Variants in DAGLA observed in about 807,000 individuals in gnomAD.
The protein encoded by DAGLA is diacylglycerol lipase alpha, also known as diacylglycerol lipase-alpha.
DAGLA carries 22 observed loss-of-function variants against 102.6 expected under a neutral mutation model. That is an observed-to-expected ratio of 0.21 (90% CI 0.15 to 0.31). The LOEUF is 0.31. Among genes scored for constraint, DAGLA ranks in the 10% least tolerant of loss-of-function variants. The pLI, the probability that DAGLA is intolerant of heterozygous loss-of-function variation, is 1.00. For synonymous variants in DAGLA, 578 were observed against 628.9 expected, an observed-to-expected ratio of 0.92 and a Z score of 1.21; for missense variants, 927 against 1,446.6, an observed-to-expected ratio of 0.64 and a Z score of 5.83.
chr11:61,721,473 G>A (rs1457793196), intron 3 of DAGLA, among the ~76,000 whole-genome samples: 1 of 152,212 alleles, frequency 6.6e-6, no homozygotes, highest in Non-Finnish European at 1.5e-5. Flanking sequence ...CCCTACAGCA[G>A]CCGAGTTGAG....
At chr11:61,697,326 G>C (rs2065074655) in intron 1 of DAGLA, among the ~76,000 whole-genome samples, 1 of 152,230 alleles carries the variant, frequency 6.6e-6, no homozygotes. Context: ...AGCCGGGCCA[G>C]GGCGAGGGAA....
rs1241670658 is a variant in DAGLA, at chr11:61,686,148, A to G, written c.-45+5644A>G. ...GGCCACTCTGCAGGGGAAAGGGGAGAGACAAAGCCTGGTTGATTATGGAAG... is the reference window on the plus strand; with the variant it reads ...GGCCACTCTGCAGGGGAAAGGGGAGGGACAAAGCCTGGTTGATTATGGAAG... On this transcript the variant is annotated intron_variant, in intron 1 of 19. Transcript: ENST00000257215. The surrounding 1 kb of genome is among the most constrained non-coding windows in gnomAD (Gnocchi z 5.2). Among the ~76,000 whole-genome samples, 1 of 151,840 alleles carries G rather than the reference A, an allele frequency of 6.6e-6. No individual in the cohort carries two copies. Among genetic ancestry groups the G allele is most frequent in the Admixed American group, 6.6e-5 (1 of 15,248 alleles).
intron 1 of DAGLA, among the ~76,000 whole-genome samples, chr11:61,706,594 C>G (rs939958630): frequency 6.6e-6 from 1 of 152,186 alleles, no homozygotes; most frequent in African/African-American, 2.4e-5. Context: ...CCTCAGAGCC[C>G]ATGATTCTAG....
chr11:61,737,062 G>A (rs538870574), intron 13 of DAGLA, 120 bp from the exon 14 acceptor site: 2 of 1,401,264 alleles, frequency 1.4e-6, no homozygotes, highest in African/African-American at 1.4e-5. Flanking sequence ...CATTCACACA[G>A]CACAGACAAG....
chr11:61,720,706 C>T lies in DAGLA; in HGVS notation c.123C>T (p.Phe41=), dbSNP rs972629226. ...TWFVILSVVL[F]GLVYNPHEAC... ...TTGTGATCCTGTCCGTGGTGCTCTT[C>T]GGCCTGGTCTATAACCCGCACGAGG... Residue 41 remains phenylalanine, a synonymous_variant, in exon 3 of 20, where the codon TTC becomes TTT. Transcript: ENST00000257215. 13 of 1,613,782 alleles carry T rather than the reference C, an allele frequency of 8.1e-6. No individual in the cohort carries two copies. Among genetic ancestry groups the T allele is most frequent in the East Asian group, 6.7e-5 (3 of 44,900 alleles).
chr11:61,739,751 C>A, intron 17 of DAGLA, 90 bp downstream of exon 17: 5 of 1,348,526 alleles, frequency 3.7e-6, no homozygotes, highest in South Asian at 1.4e-5. Context: ...AATCACCGCT[C>A]GGGGCTGGGG....
In DAGLA at chr11:61,680,412, C is replaced by T. The variant is rs1291397238; in HGVS notation, c.-137C>T. The T allele has an allele frequency of 2.6e-5, 4 of 151,898 alleles. No individual in the cohort carries two copies. The highest frequency in any genetic ancestry group is 4.8e-5 in the African/African-American group (2 of 41,338). 9.4% of individuals were successfully genotyped at this position (151,898 alleles called of 1,614,324 possible). A position where few individuals can be genotyped will look rare whatever the true frequency, so the allele number is the denominator to read the frequency against. On this transcript the variant is annotated 5_prime_UTR_variant, in exon 1 of 20. Transcript: ENST00000257215. ...CGGCCTTCGCGCCGGCGCCGGCGCC[C>T]TGCGGAAGCGGCGTTAGTGAATCGG...
In DAGLA at chr11:61,740,589, C is replaced by G. The variant is rs1162297524; in HGVS notation, c.1980C>G (p.Asn660Lys). The change falls in exon 18 of 20, where the codon AAC becomes AAG. Residue 660 changes from asparagine to lysine, a missense_variant. Physicochemically the swap from Asn to Lys is moderately conservative, Grantham distance 94. Transcript: ENST00000257215. ...HLPYVVMEGL[N>K]KVLENYNKGK... ...CCTATGTGGTCATGGAGGGGCTCAACAAGGTGAGGCAGCTCCCGGCAGGGT... is the reference window on the plus strand; with the variant it reads ...CCTATGTGGTCATGGAGGGGCTCAAGAAGGTGAGGCAGCTCCCGGCAGGGT... The G allele has an allele frequency of 5.0e-6, 8 of 1,613,110 alleles. No homozygotes were observed. In the East Asian group the frequency reaches 1.8e-4, roughly 36 times the overall value.
At chr11:61,728,660 C>T (rs554299460) in intron 7 of DAGLA, among the ~76,000 whole-genome samples, 1 of 152,328 alleles carries the variant, frequency 6.6e-6, no homozygotes, top group East Asian at 1.9e-4. Context: ...TAGGGTTTCT[C>T]AGTGTCTCAT....
intron 1 of DAGLA, among the ~76,000 whole-genome samples, chr11:61,693,337 T>G (rs1172880479): frequency 6.6e-6 from 1 of 151,490 alleles, no homozygotes; most frequent in Non-Finnish European, 1.5e-5. Context: ...AAAAGATAAG[T>G]CTTTTTCTTT....
intron 1 of DAGLA, among the ~76,000 whole-genome samples, chr11:61,719,460 T>G (rs2135579941): frequency 6.6e-6 from 1 of 152,342 alleles, no homozygotes; most frequent in Non-Finnish European, 1.5e-5. Flanking sequence ...TTCTGTCTGA[T>G]GGGTTCAAAA....
chr11:61,738,497 C>T (rs977844489), intron 16 of DAGLA, among the ~76,000 whole-genome samples: 2 of 152,194 alleles, frequency 1.3e-5, no homozygotes, highest in African/African-American at 4.8e-5. Flanking sequence ...GAGAGGCTCC[C>T]ATCACACAGA....
In DAGLA at chr11:61,720,118, A is replaced by T; in HGVS notation, c.-38A>T. Reference sequence around the variant, plus strand: ...GTCCTCTGCTTTCTTTCAGGAGGTGAGCACCAGGCCCACTGAGCCTCTGCA... The same window carrying T: ...GTCCTCTGCTTTCTTTCAGGAGGTGTGCACCAGGCCCACTGAGCCTCTGCA... On this transcript the variant is annotated 5_prime_UTR_variant, in exon 2 of 20. Transcript: ENST00000257215. 1 of 1,601,006 alleles carries T rather than the reference A, an allele frequency of 6.2e-7. No individual in the cohort carries two copies. Among genetic ancestry groups the T allele is most frequent in the Non-Finnish European group, 8.5e-7 (1 of 1,173,560 alleles).
chr11:61,724,987 C>T (rs1001362912), intron 5 of DAGLA, among the ~76,000 whole-genome samples: 16 of 152,106 alleles, frequency 1.1e-4, no homozygotes, highest in African/African-American at 2.9e-4. Flanking sequence ...GGTTGGAGAG[C>T]GGGAAGCGGT....
intron 16 of DAGLA, 86 bp from the exon 17 acceptor site, chr11:61,739,379 A>AGCCC: frequency 7.7e-7 from 1 of 1,297,278 alleles, no homozygotes; most frequent in Non-Finnish European, 1.1e-6. Context: ...TCACCTGCTG[A>AGCCC]GCCCCCCTTC....
chr11:61,736,182 G>A, intron 12 of DAGLA, 88 bp from the exon 13 acceptor site: 2 of 1,117,160 alleles, frequency 1.8e-6, no homozygotes, highest in Non-Finnish European at 2.7e-6. Flanking sequence ...AATGGATGGG[G>A]CAGGGTTCCT....
chr11:61,729,312 C>T (rs920194156), intron 8 of DAGLA, among the ~76,000 whole-genome samples: 12 of 152,256 alleles, frequency 7.9e-5, no homozygotes. Flanking sequence ...TTTGCTGCTG[C>T]TGCTGCTGTT....
intron 1 of DAGLA, among the ~76,000 whole-genome samples, chr11:61,683,850 G>A (rs2064964396): frequency 6.6e-6 from 1 of 152,162 alleles, no homozygotes; most frequent in South Asian, 2.1e-4. Context: ...GCTGAGGCAG[G>A]GGGCCAGTCA....
intron 7 of DAGLA, 41 bp from the exon 8 acceptor site, chr11:61,728,890 C>T (rs1565260054): frequency 2.5e-6 from 4 of 1,585,758 alleles, no homozygotes; most frequent in Non-Finnish European, 3.5e-6. Flanking sequence ...GCAGCCGGGC[C>T]TGGGCCAGTG....
Sources: allele counts gnomAD v4.1 joint callset (sites outside exome capture counted in the v4.1 genomes callset), GRCh38; gene constraint gnomAD v4.1.1; non-coding constraint Gnocchi (gnomAD v3.1); transcripts MANE v1.5; gene names NCBI Gene and HGNC (gene_info 2026-07-23, HGNC 2026-07-21).